DST: variants seen among roughly 807,000 people sequenced by gnomAD.
DST encodes the protein dystonin.
DST carries 253 observed loss-of-function variants against 875.2 expected under a neutral mutation model. The ratio of observed to expected loss-of-function variants is 0.29; its 90% CI spans 0.26 to 0.32. The LOEUF (loss-of-function observed/expected upper bound fraction) is 0.32. DST is among the 10% of genes least tolerant of loss of function. The pLI is 1.00. For missense variants in DST, 8,287 were observed against 9,111.6 expected (o/e 0.91, Z 3.68); for synonymous variants, 3,124 against 3,197.1 (o/e 0.98, Z 0.77).
At chr6:56,580,889 T>C (rs552404869) in intron 49 of DST, among the ~76,000 whole-genome samples, 3 of 151,002 alleles carry the variant, frequency 2.0e-5, no homozygotes, top group South Asian at 2.1e-4. Flanking sequence ...CATGCCACCA[T>C]GCCCAGCTAA....
Position 56,608,793 on chromosome 6 carries a change from C to A in DST, c.5835G>T (p.Gly1945=). The A allele has an allele frequency of 1.2e-6, 2 of 1,610,210 alleles. No individual in the cohort carries two copies. The highest frequency in any genetic ancestry group is 1.1e-5 in the South Asian group (1 of 90,600). ...VQRSTLQENT[G]MWLLPVRPQE... is the part of the protein sequence containing the mutation. ...GTGGTCTCACAGGTAGAAGCCACAT[C>A]CCTGTGTTTTCCTGTAAAGTACTTC... The change falls in exon 40 of 104, where the codon GGG becomes GGT. Residue 1945 remains glycine, a synonymous_variant. Transcript: ENST00000680361.
chr6:56,491,481 A>G (rs2095739838), intron 85 of DST, among the ~76,000 whole-genome samples: 1 of 152,214 alleles, frequency 6.6e-6, no homozygotes, highest in Admixed American at 6.5e-5. Flanking sequence ...CATGGAGTAC[A>G]AAGACACACA....
intron 2 of DST, among the ~76,000 whole-genome samples, chr6:56,938,108 C>CTCTCTCTCTCTATATATATATATATATA (rs1383243392): frequency 1.7e-5 from 2 of 120,752 alleles, no homozygotes; most frequent in African/African-American, 7.0e-5. Flanking sequence ...CTCTCTCTCT[C>CTCTCTCTCTCTATATATATATATATATA]TATATATATA....
At chr6:56,866,498 C>T (rs34083827) in intron 3 of DST, among the ~76,000 whole-genome samples, 20,141 of 152,218 alleles carry the variant, frequency 0.13, 1,635 homozygotes, top group Non-Finnish European at 0.18. Flanking sequence ...CCACTTCACT[C>T]AGGATAAAAT....
At chr6:56,735,852 T>TTTA (rs990561772) in intron 4 of DST, among the ~76,000 whole-genome samples, 41 of 151,978 alleles carry the variant, frequency 2.7e-4, no homozygotes, top group Admixed American at 6.6e-4. Context: ...TAAGTAGTAA[T>TTTA]TTATTATTAT....
At position 56,607,118 on chromosome 6, in the gene DST, G is replaced by A. The variant is rs1437052580; in HGVS notation, c.7510C>T (p.Gln2504Ter). Residue 2504 changes from glutamine to a stop codon, truncating the protein, a stop_gained, in exon 40 of 104, where the codon CAG (glutamine) becomes TAG (stop). Transcript: ENST00000680361. LOFTEE classifies it high-confidence loss of function. ...ATATTTAAAGATTTCTGTCCATACT[G>A]CTCTCCTGGTAAACTGATGTTAATA... The part of the protein sequence containing the change: ...AAINISLPGE[Q>*]YGQKSLNMIS... The A allele has an allele frequency of 6.2e-7, 1 of 1,613,222 alleles. No homozygotes were observed. The highest frequency in any genetic ancestry group is 2.2e-5 in the East Asian group (1 of 44,858).
intron 2 of DST, among the ~76,000 whole-genome samples, chr6:56,947,195 G>C (rs560343984): frequency 2.6e-4 from 40 of 151,742 alleles, no homozygotes; most frequent in Non-Finnish European, 4.7e-4. Context: ...GTGATTGGAC[G>C]GTTTTGTTAT....
chr6:56,488,891 G>A (rs1006654263), intron 86 of DST, among the ~76,000 whole-genome samples: 2 of 152,150 alleles, frequency 1.3e-5, no homozygotes, highest in African/African-American at 4.8e-5. Context: ...TATAAAATAT[G>A]ATAGGCATAG....
At chr6:56,697,760 A>G (rs1474423621) in intron 9 of DST, among the ~76,000 whole-genome samples, 1 of 152,190 alleles carries the variant, frequency 6.6e-6, no homozygotes, top group Non-Finnish European at 1.5e-5. Flanking sequence ...TCTCTCCAAT[A>G]GACCTCTGAC....
At chr6:56,567,973 CTG>C (rs2097710776) in intron 55 of DST, among the ~76,000 whole-genome samples, 1 of 152,112 alleles carries the variant, frequency 6.6e-6, no homozygotes, top group South Asian at 2.1e-4. Flanking sequence ...GGCTCACATA[CTG>C]CATAATTGTT....
chr6:56,623,080 C>T (rs980323151), intron 36 of DST, among the ~76,000 whole-genome samples: 1 of 152,092 alleles, frequency 6.6e-6, no homozygotes, highest in Non-Finnish European at 1.5e-5. Context: ...AAATTATAGC[C>T]TTCGCTTGTT....
In DST at chr6:56,529,719, A is replaced by G. The variant is rs1025762841; in HGVS notation, c.17324T>C (p.Ile5775Thr). The change falls in exon 66 of 104, where the codon ATT becomes ACT. Residue 5775 changes from isoleucine (I) to threonine (T), a missense_variant. Ile to Thr is a moderately conservative substitution (Grantham distance 89). This residue lies in a region of DST where 777 missense variants were observed against 764.8 expected (regional missense o/e 1.02). Transcript: ENST00000680361. Reference sequence around the variant, plus strand: ...GCTCAAAACCTTTAAGGACTGGCCAATGCTAACAGCCTGGTGTAAATGTTT... The same window carrying G: ...GCTCAAAACCTTTAAGGACTGGCCAGTGCTAACAGCCTGGTGTAAATGTTT... ...HNKHLHQAVS[I>T]GQSLKVLSSR... The G allele has an allele frequency of 5.0e-6, 8 of 1,612,504 alleles. No individual in the cohort carries two copies. In the East Asian group the frequency reaches 8.9e-5, roughly 18 times the overall value.
intron 4 of DST, among the ~76,000 whole-genome samples, chr6:56,842,541 A>T (rs549879846): frequency 6.6e-6 from 1 of 152,244 alleles, no homozygotes; most frequent in East Asian, 1.9e-4. Flanking sequence ...AAAGTCTTTT[A>T]TCCATCACGC....
At chr6:56,771,982 C>T (rs1228508259) in intron 4 of DST, among the ~76,000 whole-genome samples, 2 of 152,124 alleles carry the variant, frequency 1.3e-5, no homozygotes, top group Non-Finnish European at 2.9e-5. Context: ...AGTATTAATA[C>T]TCCAGTGAGA....
chr6:56,719,003 T>TAA (rs2099404825), intron 5 of DST, among the ~76,000 whole-genome samples: 1 of 152,258 alleles, frequency 6.6e-6, no homozygotes, highest in East Asian at 1.9e-4. Flanking sequence ...ATAAATTTAC[T>TAA]AAAAATTGTT....
At chr6:56,569,392 T>C (rs534654640) in intron 54 of DST, among the ~76,000 whole-genome samples, 47 of 146,340 alleles carry the variant, frequency 3.2e-4, no homozygotes, top group African/African-American at 1.1e-3. Context: ...AAAAATGCCA[T>C]ATTGGTCAAG....
At chr6:56,873,057 C>A (rs972855854) in intron 3 of DST, among the ~76,000 whole-genome samples, 1 of 152,066 alleles carries the variant, frequency 6.6e-6, no homozygotes, top group Non-Finnish European at 1.5e-5. Context: ...GCGATGATAT[C>A]CCATTGTAGT....
chr6:56,634,191 C>T lies in DST; in HGVS notation c.3562G>A (p.Val1188Ile). 1.9e-6 allele frequency: 3 copies of T among 1,613,618 alleles called. No homozygotes were observed. Among genetic ancestry groups the T allele is most frequent in the Non-Finnish European group, 2.5e-6 (3 of 1,179,950 alleles). The part of the protein sequence containing the change: ...HESHINMKSV[V>I]SWHYLINEID... ...TCATTGATGAGATAATGCCAGGATA[C>T]TACACTCTTCATGTTTATGTGAGAC... Residue 1188 changes from valine to isoleucine, a missense_variant, in exon 27 of 104, where the codon GTA (valine) becomes ATA (isoleucine). Coordinates refer to ENST00000680361, the MANE Select transcript of DST (RefSeq NM_001374736.1).
Position 56,589,427 on chromosome 6 carries a change from T to C in DST, c.12903+2755A>G, listed in dbSNP as rs573436083. The stretch of plus-strand genomic sequence containing the variant: ...CTGTTAATTACAGTATTCAAATGGG[T>C]ACCTTATATTGTTTTGAATGGATTT... On this transcript the variant is annotated intron_variant, in intron 49 of 103. Transcript: ENST00000680361. 5.7e-4 allele frequency among the ~76,000 whole-genome samples: 87 copies of C among 152,300 alleles called. No homozygotes were observed. In the South Asian group the frequency reaches 0.018, roughly 31 times the overall value.
Sources: allele counts gnomAD v4.1 joint callset (sites outside exome capture counted in the v4.1 genomes callset), GRCh38; gene constraint gnomAD v4.1.1; regional missense constraint gnomAD v4.1.1; transcripts MANE v1.5; gene names NCBI Gene and HGNC (gene_info 2026-07-23, HGNC 2026-07-21).